The following EMCN variants were observed in gnomAD, a reference collection of about 807,000 sequenced individuals.
EMCN encodes the protein endomucin.
Under a neutral mutation model 38.4 loss-of-function variants are expected in EMCN, and 37 were observed. The ratio of observed to expected loss-of-function variants is 0.96; its 90% confidence interval spans 0.74 to 1.27. EMCN has a LOEUF of 1.27. Among genes scored for constraint, EMCN ranks in the 50% most tolerant of loss-of-function variants. EMCN has a pLI of 0.00. For missense variants in EMCN, 318 were observed against 302.8 expected (o/e 1.05, Z -0.37); for synonymous variants, 95 against 100.8 (o/e 0.94, Z 0.35).
intron 11 of EMCN, among the ~76,000 whole-genome samples, chr4:100,402,269 T>A (rs535042467): frequency 1.3e-5 from 2 of 152,148 alleles, no homozygotes; most frequent in Non-Finnish European, 2.9e-5. Flanking sequence ...ATGATCAATA[T>A]ATGAAGCAAC....
In EMCN at chr4:100,475,098, TG is replaced by T; in HGVS notation, c.198del (p.Asn67MetfsTer8). 6.6e-7 allele frequency: 1 copy of T among 1,511,158 alleles called. No homozygotes were observed. Among genetic ancestry groups the T allele is most frequent in the South Asian group, 1.3e-5 (1 of 75,886 alleles). The allele number at this position is 1,511,158 out of a possible 1,614,324, so 93.6% of individuals were successfully genotyped here. On this transcript the variant is annotated frameshift_variant, in exon 3 of 12. Transcript: ENST00000296420. LOFTEE classifies it high-confidence loss of function. ...TTGTTPKGTITNELLKMSLMS... is the reference protein window; with the variant it reads ...TTGTTPKGTIXNELLKMSLMS... ...ATCAGAGACATTTTAAGTAATTCAT[TG>T]GTGATTGTTCCTAGTTTGATAAAAT... is the stretch of plus-strand genomic sequence containing the variant.
At chr4:100,408,782 C>T (rs6846227) in intron 11 of EMCN, among the ~76,000 whole-genome samples, 26,365 of 152,088 alleles carry the variant, frequency 0.17, 3,804 homozygotes, top group East Asian at 0.77. Flanking sequence ...GCATGCCACT[C>T]AGAGCCACTG....
At chr4:100,421,895 G>C (rs1429943861) in intron 7 of EMCN, among the ~76,000 whole-genome samples, 1 of 152,020 alleles carries the variant, frequency 6.6e-6, no homozygotes, top group African/African-American at 2.4e-5. Context: ...TCTTGAAAAT[G>C]AACATGATTC....
intron 7 of EMCN, among the ~76,000 whole-genome samples, chr4:100,422,089 G>C (rs1162528615): frequency 6.6e-6 from 1 of 151,920 alleles, no homozygotes; most frequent in Non-Finnish European, 1.5e-5. Flanking sequence ...AAGCAAGAGA[G>C]CTGTCATAGA....
chr4:100,415,828 C>T lies in EMCN; in HGVS notation c.751+70G>A. On this transcript the variant is annotated intron_variant, in intron 10 of 11. Transcript: ENST00000296420. ...GCCTTTTGTTTATGTTTCACATGAA[C>T]AAAATCCAAGGTTATAGTTAGATTC... 3.7e-6 allele frequency: 4 copies of T among 1,088,186 alleles called. No individual in the cohort carries two copies. The South Asian group carries it at 6.0e-5, about 16-fold the overall frequency. The allele number at this position is 1,088,186 out of a possible 1,614,324, so 67.4% of individuals were successfully genotyped here.
chr4:100,421,338 GTTA>G lies in EMCN; in HGVS notation c.605_607del (p.Ile202del), dbSNP rs1560607849. ...ACCCACCAGAACAAATACTGAAAGTGTTATTACAATCAAAGCAATAACCACCGG... is the reference window on the plus strand; with the variant it reads ...ACCCACCAGAACAAATACTGAAAGTGTTACAATCAAAGCAATAACCACCGG... On this transcript the variant is annotated inframe_deletion, in exon 8 of 12. Transcript: ENST00000296420. 1 of 1,612,798 alleles carries G rather than the reference GTTA, an allele frequency of 6.2e-7. No homozygotes were observed. The highest frequency in any genetic ancestry group is 2.2e-5 in the East Asian group (1 of 44,828).
intron 1 of EMCN, among the ~76,000 whole-genome samples, chr4:100,480,669 T>C (rs756346699): frequency 1.3e-4 from 20 of 151,826 alleles, no homozygotes; most frequent in Non-Finnish European, 2.5e-4. Context: ...TTAAAAGTAA[T>C]AGGGCCACCA....
intron 4 of EMCN, among the ~76,000 whole-genome samples, chr4:100,459,116 T>G (rs562542340): frequency 1.3e-5 from 2 of 151,332 alleles, no homozygotes; most frequent in Non-Finnish European, 2.9e-5. Flanking sequence ...CTTCTTTTAT[T>G]TAGTTTATTA....
chr4:100,466,778 G>T (rs1481811733), intron 3 of EMCN, among the ~76,000 whole-genome samples: 2 of 152,202 alleles, frequency 1.3e-5, no homozygotes, highest in Non-Finnish European at 2.9e-5. Context: ...CTCAACATTT[G>T]AGGATGGAGG....
chr4:100,482,865 A>T (rs1459107590), intron 1 of EMCN, among the ~76,000 whole-genome samples: 1 of 152,136 alleles, frequency 6.6e-6, no homozygotes, highest in Non-Finnish European at 1.5e-5. Flanking sequence ...TCATCATGTG[A>T]CATCAATGAG....
chr4:100,477,877 C>A (rs1364247391), intron 2 of EMCN, among the ~76,000 whole-genome samples: 1 of 151,910 alleles, frequency 6.6e-6, no homozygotes, highest in Non-Finnish European at 1.5e-5. Context: ...AATTTAAGCC[C>A]CTCAGAGTCC....
chr4:100,470,280 TA>T (rs564214717), intron 3 of EMCN, among the ~76,000 whole-genome samples: 40 of 150,114 alleles, frequency 2.7e-4, no homozygotes, highest in Non-Finnish European at 4.9e-4. Flanking sequence ...AACAATCATA[TA>T]AAAAAAGTTC....
chr4:100,427,310 C>A (rs1214274644), intron 5 of EMCN, among the ~76,000 whole-genome samples: 1 of 151,896 alleles, frequency 6.6e-6, no homozygotes, highest in African/African-American at 2.4e-5. Flanking sequence ...CTTGCTCTGT[C>A]TTCCAGGCTG....
chr4:100,509,257 T>A (rs1729563009), intron 1 of EMCN, among the ~76,000 whole-genome samples: 1 of 152,166 alleles, frequency 6.6e-6, no homozygotes, highest in African/African-American at 2.4e-5. Flanking sequence ...TTTTAAACTT[T>A]AATTGATATA....
chr4:100,452,151 C>G (rs1727855472), intron 4 of EMCN, among the ~76,000 whole-genome samples: 1 of 151,972 alleles, frequency 6.6e-6, no homozygotes. Context: ...GTTGGTCACT[C>G]TCATGTCCAG....
chr4:100,399,702 T>G (rs1726205234), intron 11 of EMCN, among the ~76,000 whole-genome samples: 1 of 152,152 alleles, frequency 6.6e-6, no homozygotes, highest in Admixed American at 6.6e-5. Flanking sequence ...TTTAGGCATA[T>G]TTTATATCCA....
At chr4:100,471,977 T>C (rs1728491751) in intron 3 of EMCN, among the ~76,000 whole-genome samples, 1 of 152,012 alleles carries the variant, frequency 6.6e-6, no homozygotes, top group African/African-American at 2.4e-5. Flanking sequence ...AACATCATAC[T>C]TACTGGTGAA....
chr4:100,428,478 T>C (rs1727113059), intron 5 of EMCN, among the ~76,000 whole-genome samples: 1 of 152,172 alleles, frequency 6.6e-6, no homozygotes, highest in South Asian at 2.1e-4. Flanking sequence ...ACTTACTATA[T>C]AATTTAGTTA....
intron 5 of EMCN, among the ~76,000 whole-genome samples, chr4:100,427,685 A>G: frequency 6.6e-6 from 1 of 151,962 alleles, no homozygotes; most frequent in South Asian, 2.1e-4. Flanking sequence ...ATTTCATTCA[A>G]TTTCAAGGTT....
Sources: allele counts gnomAD v4.1 joint callset (sites outside exome capture counted in the v4.1 genomes callset), GRCh38; gene constraint gnomAD v4.1.1; transcripts MANE v1.5; gene names NCBI Gene and HGNC (gene_info 2026-07-23, HGNC 2026-07-21).